Variants in DENND6A observed in about 807,000 individuals in gnomAD.
DENND6A encodes protein DENND6A.
DENND6A carries 43 observed loss-of-function variants against 95.5 expected under a neutral mutation model. The observed-to-expected ratio is 0.45, with a 90% CI of 0.35 to 0.58. The LOEUF is 0.58. DENND6A is among the 20% of genes least tolerant of loss of function. DENND6A has a pLI of 0.00. For synonymous variants in DENND6A, 257 were observed against 260.4 expected (o/e 0.99, Z 0.13); for missense variants, 574 against 736.0 (o/e 0.78, Z 2.55).
chr3:57,645,289 T>C (rs5009023), intron 11 of DENND6A, among the ~76,000 whole-genome samples: 124,495 of 151,538 alleles, frequency 0.82, 51,456 homozygotes, highest in East Asian at 1. Context: ...GGTGAAACCC[T>C]GTCTCTACTA....
In DENND6A at chr3:57,645,684, T is replaced by C. The variant is rs139937710; in HGVS notation, c.1014A>G (p.Glu338=). 13 of 1,613,120 alleles carry C rather than the reference T, an allele frequency of 8.1e-6. No homozygotes were observed. The highest frequency in any genetic ancestry group is 1.0e-5 in the Non-Finnish European group (12 of 1,179,428). ...ACGGAGCTTGGGTACGGGTAGTATATTCTTTGAATTCACTATCATGAATAG... is the reference window on the plus strand; with the variant it reads ...ACGGAGCTTGGGTACGGGTAGTATACTCTTTGAATTCACTATCATGAATAG... The part of the protein sequence containing the change: ...YFTIHDSEFK[E]YTTRTQAPPS... Residue 338 remains glutamate (E), a synonymous_variant, in exon 11 of 20, where the codon GAA becomes GAG. Coordinates refer to ENST00000311128, the MANE Select transcript of DENND6A (RefSeq NM_152678.3).
chr3:57,664,541 G>A (rs971590893), intron 4 of DENND6A, among the ~76,000 whole-genome samples: 4 of 152,090 alleles, frequency 2.6e-5, no homozygotes, highest in African/African-American at 9.7e-5. Context: ...GGATAAGAAA[G>A]GAGAAAAATG....
chr3:57,674,445 A>T lies in DENND6A; in HGVS notation c.238-2007T>A, dbSNP rs1445910345. ...CAGGAGTTCAAGACCAGCCTGGCCA[A>T]CAAGGTAAAACCCCATCTCTACTAA... On this transcript the variant is annotated intron_variant, in intron 1 of 19. Transcript: ENST00000311128. Among the ~76,000 whole-genome samples, 4 of 152,126 alleles carry T rather than the reference A, an allele frequency of 2.6e-5. 1 individual carries two copies. Among genetic ancestry groups the T allele is most frequent in the African/African-American group, 7.2e-5 (3 of 41,514 alleles).
chr3:57,655,634 A>T (rs960174816), intron 9 of DENND6A, among the ~76,000 whole-genome samples: 5 of 152,300 alleles, frequency 3.3e-5, no homozygotes, highest in African/African-American at 7.2e-5. Flanking sequence ...ATATTTTTTT[A>T]AATTACGTTC....
intron 12 of DENND6A, 121 bp downstream of exon 12, chr3:57,641,532 C>A: frequency 2.9e-6 from 2 of 685,334 alleles, no homozygotes; most frequent in South Asian, 3.4e-5. Context: ...GGAAATTATA[C>A]CCTTCTCCAA....
chr3:57,633,293 T>G lies in DENND6A; in HGVS notation c.1325A>C (p.Glu442Ala). Residue 442 changes from glutamate to alanine, a missense_variant, in exon 15 of 20, where the codon GAA becomes GCA. By Grantham distance (107) the Glu-to-Ala change is moderately radical. Coordinates refer to ENST00000311128, the MANE Select transcript of DENND6A (RefSeq NM_152678.3). ...TGGAATGATGAAACTTTGTGTCAGTTCCAAAAAATAGCGTCGAAGAATAAC... is the reference window on the plus strand; with the variant it reads ...TGGAATGATGAAACTTTGTGTCAGTGCCAAAAAATAGCGTCGAAGAATAAC... ...QSVILRRYFLELTQSFIIPLE... is the reference protein window; with the variant it reads ...QSVILRRYFLALTQSFIIPLE... 6.2e-7 allele frequency: 1 copy of G among 1,613,754 alleles called. No individual in the cohort carries two copies. The highest frequency in any genetic ancestry group is 8.5e-7 in the Non-Finnish European group (1 of 1,179,916).
At chr3:57,650,421 TACAC>T (rs67472290) in intron 9 of DENND6A, among the ~76,000 whole-genome samples, 4,774 of 149,914 alleles carry the variant, frequency 0.032, 244 homozygotes, top group African/African-American at 0.11. Flanking sequence ...TGCATTTACA[TACAC>T]ACACACACAC....
rs897093128 is a variant in DENND6A, at chr3:57,628,144, T to G, written c.*70A>C. The G allele has an allele frequency of 8.3e-6, 13 of 1,557,942 alleles. No homozygotes were observed. The African/African-American group carries it at 1.6e-4, about 20-fold the overall frequency. On this transcript the variant is annotated 3_prime_UTR_variant, in exon 20 of 20. Coordinates refer to ENST00000311128, the MANE Select transcript of DENND6A (RefSeq NM_152678.3). ...CGCTGCCACTGAGAGATCTCCTTTGTGCGTCTGGTTGAAATGTCAGTATGC... is the reference window on the plus strand; with the variant it reads ...CGCTGCCACTGAGAGATCTCCTTTGGGCGTCTGGTTGAAATGTCAGTATGC...
At chr3:57,669,564 A>T (rs1486198811) in intron 3 of DENND6A, among the ~76,000 whole-genome samples, 2 of 151,514 alleles carry the variant, frequency 1.3e-5, no homozygotes, top group African/African-American at 2.4e-5. Flanking sequence ...AAATGCAAAA[A>T]ATTAGCCAGG....
intron 18 of DENND6A, 75 bp from the exon 19 acceptor site, chr3:57,628,960 T>C (rs2070596245): frequency 1.5e-6 from 2 of 1,319,166 alleles, no homozygotes; most frequent in African/African-American, 1.5e-5. Flanking sequence ...TAGGTAAGGC[T>C]ACTGTGAAGG....
At position 57,672,191 on chromosome 3, in the gene DENND6A, A is replaced by G. The variant is rs1575856395; in HGVS notation, c.319+65T>C. 2.1e-6 allele frequency: 3 copies of G among 1,417,356 alleles called. No individual in the cohort carries two copies. The African/African-American group carries it at 4.3e-5, about 20-fold the overall frequency. 87.8% of individuals were successfully genotyped at this position (1,417,356 alleles called of 1,614,324 possible). A position where few individuals can be genotyped will look rare whatever the true frequency, so the allele number is the denominator to read the frequency against. ...ATGCTATTTCAATCAATTTTCATAC[A>G]TTAACAGTATAACCAGTATTCTTAG... On this transcript the variant is annotated intron_variant, in intron 3 of 19. Coordinates refer to ENST00000311128, the MANE Select transcript of DENND6A (RefSeq NM_152678.3).
At chr3:57,643,674 A>G (rs2071000642) in intron 11 of DENND6A, among the ~76,000 whole-genome samples, 1 of 151,930 alleles carries the variant, frequency 6.6e-6, no homozygotes, top group Non-Finnish European at 1.5e-5. Flanking sequence ...TAAAAATACA[A>G]AAATTAGCTG....
intron 4 of DENND6A, 57 bp downstream of exon 4, chr3:57,666,062 GAATA>G: frequency 7.1e-7 from 1 of 1,403,412 alleles, no homozygotes; most frequent in Non-Finnish European, 1.0e-6. Flanking sequence ...AGCGGTAACT[GAATA>G]AATGAGTTCT....
At chr3:57,675,517 A>T (rs189568332) in intron 1 of DENND6A, among the ~76,000 whole-genome samples, 2 of 152,194 alleles carry the variant, frequency 1.3e-5, no homozygotes, top group Non-Finnish European at 2.9e-5. Flanking sequence ...CTCAAGGACC[A>T]TCTCCACAAT....
chr3:57,660,771 C>G lies in DENND6A; in HGVS notation c.688G>C (p.Val230Leu), dbSNP rs1303497250. The stretch of plus-strand genomic sequence containing the variant: ...ATATAAGATATTACCTTCATTACCA[C>G]CCCCATGATTGGCAGGTGTAATGTT... ...GKTLHLPIMG[V>L]VMKVRIPTCH... The change falls in exon 7 of 20, where the codon GTG (valine) becomes CTG (leucine). Residue 230 changes from valine (V) to leucine (L), a missense_variant. By Grantham distance (32) the Val-to-Leu change is conservative. Around this residue, in one of 2 missense-constraint regions of DENND6A, gnomAD observed 452 missense variants for 630.9 expected, o/e 0.72. Transcript: ENST00000311128. 2 of 1,607,394 alleles carry G rather than the reference C, an allele frequency of 1.2e-6. No homozygotes were observed. The highest frequency in any genetic ancestry group is 1.7e-5 in the Admixed American group (1 of 59,136).
chr3:57,648,465 C>A (rs1190049703), intron 9 of DENND6A, among the ~76,000 whole-genome samples: 4 of 152,034 alleles, frequency 2.6e-5, no homozygotes, highest in Non-Finnish European at 5.9e-5. Flanking sequence ...CCATCAATGC[C>A]CTCCTTACAC....
At chr3:57,639,007 A>AGGAT (rs1167016975) in intron 12 of DENND6A, among the ~76,000 whole-genome samples, 1 of 152,196 alleles carries the variant, frequency 6.6e-6, no homozygotes, top group Non-Finnish European at 1.5e-5. Flanking sequence ...CTGAGGCAGA[A>AGGAT]GGATCACTTG....
At chr3:57,645,970 G>A (rs932621768) in intron 10 of DENND6A, among the ~76,000 whole-genome samples, 1 of 152,230 alleles carries the variant, frequency 6.6e-6, no homozygotes, top group Admixed American at 6.5e-5. Flanking sequence ...CAGAAGATGC[G>A]GTGAAATTCT....
chr3:57,635,465 G>A (rs889581865), intron 12 of DENND6A, among the ~76,000 whole-genome samples: 51 of 152,110 alleles, frequency 3.4e-4, no homozygotes, highest in African/African-American at 1.2e-3. Flanking sequence ...ACTTAAAAGT[G>A]TCATGAACAA....
Sources: allele counts gnomAD v4.1 joint callset (sites outside exome capture counted in the v4.1 genomes callset), GRCh38; gene constraint gnomAD v4.1.1; regional missense constraint gnomAD v4.1.1; transcripts MANE v1.5; gene names NCBI Gene and HGNC (gene_info 2026-07-23, HGNC 2026-07-21).